Variants in AKAP6 observed in about 807,000 individuals in gnomAD.
AKAP6 encodes A-kinase anchor protein 6.
Under a neutral mutation model 188.5 loss-of-function variants are expected in AKAP6, and 58 were observed. The ratio of observed to expected loss-of-function variants is 0.31; its 90% CI spans 0.25 to 0.38. The LOEUF is 0.38. Among genes scored for constraint, AKAP6 ranks in the 10% least tolerant of loss-of-function variants. AKAP6 has a pLI of 1.00. For synonymous variants in AKAP6, 989 were observed against 998.6 expected, an observed-to-expected ratio of 0.99 and a Z score of 0.18; for missense variants, 2,710 against 2,740.0, an observed-to-expected ratio of 0.99 and a Z score of 0.24.
chr14:32,549,677 A>G (rs1883366884), intron 4 of AKAP6, among the ~76,000 whole-genome samples: 1 of 152,212 alleles, frequency 6.6e-6, no homozygotes. Context: ...TGTACTAAGT[A>G]TTTTACGTGG....
At chr14:32,483,900 TA>T (rs1435171184) in intron 2 of AKAP6, among the ~76,000 whole-genome samples, 6 of 151,742 alleles carry the variant, frequency 4.0e-5, no homozygotes, top group Non-Finnish European at 8.8e-5. Flanking sequence ...CTACATTAGG[TA>T]TTTCTCCTAA....
chr14:32,703,850 G>T (rs1422913312), intron 9 of AKAP6, among the ~76,000 whole-genome samples: 1 of 152,218 alleles, frequency 6.6e-6, no homozygotes, highest in Non-Finnish European at 1.5e-5. Context: ...TCTGAGACTT[G>T]CTGTGATGTG....
intron 1 of AKAP6, among the ~76,000 whole-genome samples, chr14:32,429,250 G>C (rs183902872): frequency 2.0e-5 from 3 of 152,288 alleles, no homozygotes; most frequent in African/African-American, 7.2e-5. Flanking sequence ...ATCTCAAGAT[G>C]ACTTGTAAAC....
intron 2 of AKAP6, among the ~76,000 whole-genome samples, chr14:32,507,053 G>GT (rs1271825053): frequency 6.6e-6 from 1 of 152,076 alleles, no homozygotes; most frequent in Non-Finnish European, 1.5e-5. Context: ...ATATTAGAGG[G>GT]TTTTTGTTTG....
intron 9 of AKAP6, among the ~76,000 whole-genome samples, chr14:32,709,465 T>C (rs1261171450): frequency 6.6e-6 from 1 of 152,050 alleles, no homozygotes; most frequent in African/African-American, 2.4e-5. Context: ...ATCACCTACT[T>C]AATGATTCTT....
intron 7 of AKAP6, among the ~76,000 whole-genome samples, chr14:32,676,524 C>G (rs908263968): frequency 6.6e-6 from 1 of 152,072 alleles, no homozygotes; most frequent in African/African-American, 2.4e-5. Flanking sequence ...ACCAGCCATA[C>G]CCCCTACTCC....
chr14:32,542,651 G>A (rs1001689352), intron 3 of AKAP6, among the ~76,000 whole-genome samples: 8 of 152,194 alleles, frequency 5.3e-5, no homozygotes, highest in African/African-American at 1.9e-4. Context: ...AGGGCAAGCA[G>A]CATGTGCCAA....
chr14:32,697,102 G>A (rs1220361854), intron 9 of AKAP6, among the ~76,000 whole-genome samples: 1 of 152,046 alleles, frequency 6.6e-6, no homozygotes, highest in African/African-American at 2.4e-5. Context: ...TACATTCAAG[G>A]TCAAATAAAA....
chr14:32,418,035 T>G (rs1470440797), intron 1 of AKAP6: 1 of 152,182 alleles, frequency 6.6e-6, no homozygotes, highest in African/African-American at 2.4e-5. Flanking sequence ...AATAGAGTTA[T>G]GACAAGCAGA....
intron 2 of AKAP6, chr14:32,473,658 G>A (rs1157625962): frequency 2.0e-5 from 3 of 152,250 alleles, no homozygotes; most frequent in African/African-American, 7.2e-5. Context: ...ATTTGAAGGG[G>A]TGTGGATTAC....
At chr14:32,616,282 A>C (rs773940836) in intron 7 of AKAP6, among the ~76,000 whole-genome samples, 2 of 152,214 alleles carry the variant, frequency 1.3e-5, no homozygotes, top group Admixed American at 1.3e-4. Flanking sequence ...TAATCGTTCT[A>C]TCATAAAGAC....
At chr14:32,396,868 C>T (rs1888895372) in intron 1 of AKAP6, among the ~76,000 whole-genome samples, 1 of 152,128 alleles carries the variant, frequency 6.6e-6, no homozygotes, top group Non-Finnish European at 1.5e-5. Flanking sequence ...TAAATGTTCT[C>T]ACTTTTTAAG....
chr14:32,749,727 A>G (rs889286914), intron 11 of AKAP6, among the ~76,000 whole-genome samples: 3 of 152,236 alleles, frequency 2.0e-5, no homozygotes, highest in Non-Finnish European at 4.4e-5. Flanking sequence ...GTACAGATCT[A>G]TAAGATATGT....
intron 2 of AKAP6, among the ~76,000 whole-genome samples, chr14:32,515,723 G>A (rs1881488056): frequency 6.6e-6 from 1 of 152,150 alleles, no homozygotes; most frequent in African/African-American, 2.4e-5. Context: ...AAGTGATCTA[G>A]ATACATTTTT....
At chr14:32,793,712 A>G (rs2103782) in intron 12 of AKAP6, among the ~76,000 whole-genome samples, 33,343 of 151,564 alleles carry the variant, frequency 0.22, 3,875 homozygotes, top group East Asian at 0.35. Context: ...CCCCAAAACA[A>G]CAGAATATAC....
intron 11 of AKAP6, among the ~76,000 whole-genome samples, chr14:32,748,177 G>A (rs1164999702): frequency 6.6e-6 from 1 of 152,194 alleles, no homozygotes; most frequent in Non-Finnish European, 1.5e-5. Context: ...AATTGCAAAG[G>A]TATCTCAGTG....
intron 3 of AKAP6, among the ~76,000 whole-genome samples, chr14:32,544,377 T>C (rs1364857746): frequency 6.6e-6 from 1 of 152,196 alleles, no homozygotes; most frequent in East Asian, 1.9e-4. Context: ...AATCAGAAAC[T>C]GCATTAGTAA....
At position 32,678,560 on chromosome 14, in the gene AKAP6, G is replaced by A. The variant is rs960267136; in HGVS notation, c.2879+101G>A. The A allele has an allele frequency of 1.5e-5, 20 of 1,362,372 alleles. No homozygotes were observed. The South Asian group carries it at 1.6e-4, about 11-fold the overall frequency. 84.4% of individuals were successfully genotyped at this position (1,362,372 alleles called of 1,614,324 possible). A position where few individuals can be genotyped will look rare whatever the true frequency, so the allele number is the denominator to read the frequency against. ...GAAGGTATTTCCTCTTTAGCAAACC[G>A]ACAAGGAGAAGCTCAGTAGACTAGG... is the stretch of plus-strand genomic sequence containing the variant. On this transcript the variant is annotated intron_variant, in intron 8 of 13. Transcript: ENST00000280979.
chr14:32,771,466 T>G (rs1352417074), intron 11 of AKAP6, among the ~76,000 whole-genome samples: 1 of 152,062 alleles, frequency 6.6e-6, no homozygotes, highest in African/African-American at 2.4e-5. Flanking sequence ...AAGATAGGAG[T>G]GGGGATCACC....
Sources: gnomAD v4.1 joint callset for allele counts (sites outside exome capture counted in the v4.1 genomes callset) on GRCh38, gnomAD v4.1.1 for gene constraint, MANE v1.5 for transcripts, NCBI Gene and HGNC (gene_info 2026-07-23, HGNC 2026-07-21) for gene names.